Variants in EML3 observed in about 807,000 individuals in gnomAD.
EML3 encodes EMAP like 3, also known as echinoderm microtubule-associated protein-like 3.
In EML3, 53 loss-of-function variants were observed where a neutral mutation model predicts 106.7. The ratio of observed to expected loss-of-function variants is 0.50; its 90% CI spans 0.40 to 0.62. The LOEUF is 0.62. EML3 is among the 20% of genes least tolerant of loss of function. The pLI is 0.00. For synonymous variants in EML3, 499 were observed against 489.6 expected (o/e 1.02, Z -0.25); for missense variants, 994 against 1,209.1 (o/e 0.82, Z 2.64).
Position 62,603,195 on chromosome 11 carries a change from G to A in EML3, c.2310C>T (p.Asp770=). The change falls in exon 20 of 22, where the codon GAC becomes GAT. Residue 770 remains aspartate, a synonymous_variant. Coordinates refer to ENST00000394773, the MANE Select transcript of EML3 (RefSeq NM_153265.3). ...KQLKNRYESR[D]REWATYTCVL... is the part of the protein sequence containing the mutation. Reference sequence around the variant, plus strand: ...CACAGGTGTAGGTAGCCCATTCCCGGTCTCGGCTCTCATAGCGATTCTTCA... The same window carrying A: ...CACAGGTGTAGGTAGCCCATTCCCGATCTCGGCTCTCATAGCGATTCTTCA... The A allele has an allele frequency of 6.2e-7, 1 of 1,614,004 alleles. No individual in the cohort carries two copies. Among genetic ancestry groups the A allele is most frequent in the South Asian group, 1.1e-5 (1 of 91,084 alleles).
intron 12 of EML3, 200 bp from the exon 13 acceptor site, chr11:62,606,414 A>C: frequency 1.5e-6 from 1 of 688,646 alleles, no homozygotes; most frequent in South Asian, 2.0e-5. Context: ...AAATGAGGTA[A>C]CTTCCTAAAG....
Position 62,611,127 on chromosome 11 carries a change from C to A in EML3, c.412G>T (p.Gly138Trp). 6.3e-7 allele frequency: 1 copy of A among 1,597,984 alleles called. No individual in the cohort carries two copies. The highest frequency in any genetic ancestry group is 2.2e-5 in the East Asian group (1 of 44,672). ...GGGGGCTGCAAGGGCCTGAGGATCCCCGGGGGGCCAGGGGAGCCAGCACCA... is the reference window on the plus strand; with the variant it reads ...GGGGGCTGCAAGGGCCTGAGGATCCACGGGGGGCCAGGGGAGCCAGCACCA... The part of the protein sequence containing the change: ...SSGAGSPGPP[G>W]ILRPLQPPQR... Residue 138 changes from glycine (G) to tryptophan (W), a missense_variant, in exon 3 of 22, where the codon GGG (glycine) becomes TGG (tryptophan). Gly to Trp is a radical substitution (Grantham distance 184, BLOSUM62 -2). This residue lies in a region of EML3 where 269 missense variants were observed against 265.1 expected (regional missense o/e 1.01). Transcript: ENST00000394773.
At chr11:62,603,673 T>C (rs1246140680) in intron 19 of EML3, 56 bp downstream of exon 19, 15 of 1,490,700 alleles carry the variant, frequency 1.0e-5, no homozygotes, top group Non-Finnish European at 1.3e-5. Flanking sequence ...CAGCCCCCCC[T>C]ACACAAAACC....
Position 62,605,633 on chromosome 11 carries a change from G to T in EML3, c.1914+9C>A. 6.6e-7 allele frequency: 1 copy of T among 1,524,986 alleles called. No homozygotes were observed. 94.5% of individuals were successfully genotyped at this position (1,524,986 alleles called of 1,614,324 possible). Reference sequence around the variant, plus strand: ...GTGGCATGGGGGATCCAGGGGCACAGGGCTCTACCTTGAGGTCGATGCTCC... The same window carrying T: ...GTGGCATGGGGGATCCAGGGGCACATGGCTCTACCTTGAGGTCGATGCTCC... On this transcript the variant is annotated intron_variant, in intron 15 of 21. Transcript: ENST00000394773. The surrounding 1 kb of genome is among the most constrained non-coding windows in gnomAD (Gnocchi z 5.2).
At position 62,602,907 on chromosome 11, in the gene EML3, C is replaced by A. The variant is rs1208699175; in HGVS notation, c.2357-18G>T. The A allele has an allele frequency of 5.9e-6, 9 of 1,528,036 alleles. No homozygotes were observed. The highest frequency in any genetic ancestry group is 7.9e-6 in the Non-Finnish European group (9 of 1,137,516). 94.7% of individuals were successfully genotyped at this position (1,528,036 alleles called of 1,614,324 possible). A position where few individuals can be genotyped will look rare whatever the true frequency, so the allele number is the denominator to read the frequency against. On this transcript the variant is annotated intron_variant, in intron 20 of 21. Coordinates refer to ENST00000394773, the MANE Select transcript of EML3 (RefSeq NM_153265.3). ...CCAGACGCCTAGCACAGCGGCCGGC[C>A]TCAGCCCGACCTCCTACCCACCGCC...
Position 62,608,253 on chromosome 11 carries a change from T to C in EML3, c.1154A>G (p.His385Arg), listed in dbSNP as rs932773322. The change falls in exon 10 of 22, where the codon CAC becomes CGC. Residue 385 changes from histidine (H) to arginine (R), a missense_variant. Physicochemically the swap from His to Arg is conservative, Grantham distance 29 (BLOSUM62 0). Transcript: ENST00000394773. Reference sequence around the variant, plus strand: ...GCTGCAGTCCCACACCGACAGCATGTGCTCATTGGAATCATCCACCACACA... The same window carrying C: ...GCTGCAGTCCCACACCGACAGCATGCGCTCATTGGAATCATCCACCACACA... Reference protein sequence around the residue: ...FLCVVDDSNEHMLSVWDCSRG... With the variant: ...FLCVVDDSNERMLSVWDCSRG... 5.6e-6 allele frequency: 9 copies of C among 1,613,912 alleles called. No homozygotes were observed. The South Asian group carries it at 8.8e-5, about 16-fold the overall frequency.
chr11:62,602,579 T>C lies in EML3; in HGVS notation c.2587A>G (p.Ser863Gly). ...HLVSLGGKDA[S>G]IFQWRVLGAG... The stretch of plus-strand genomic sequence containing the variant: ...CCCAGCACTCGCCACTGGAAGATGC[T>C]GGCGTCCTTGCCGCCCAGCGAGACG... The change falls in exon 22 of 22, where the codon AGC (serine) becomes GGC (glycine). Residue 863 changes from serine (S) to glycine (G), a missense_variant. Around this residue, in one of 3 missense-constraint regions of EML3, gnomAD observed 713 missense variants for 920.5 expected, o/e 0.77. Transcript: ENST00000394773. The C allele has an allele frequency of 1.3e-6, 2 of 1,537,882 alleles. No individual in the cohort carries two copies. The highest frequency in any genetic ancestry group is 1.8e-6 in the Non-Finnish European group (2 of 1,142,824).
chr11:62,604,885 T>A (rs574812571), intron 16 of EML3: 421 of 396,688 alleles, frequency 1.1e-3, no homozygotes, highest in Admixed American at 2.6e-3. Context: ...TGCTGCCTCC[T>A]CCACTCCCAG....
intron 12 of EML3, 84 bp downstream of exon 12, chr11:62,606,874 A>AC: frequency 1.4e-6 from 2 of 1,395,240 alleles, no homozygotes; most frequent in Non-Finnish European, 1.9e-6. Flanking sequence ...AAAAAAAAAA[A>AC]GATGGGAATG....
Position 62,605,278 on chromosome 11 carries a change from A to G in EML3, c.1915-98T>C. On this transcript the variant is annotated intron_variant, in intron 15 of 21. Transcript: ENST00000394773. This position sits in a 1 kb window ranked among gnomAD's most constrained non-coding sequence, Gnocchi z 5.2. ...CCTAACTTCAAAGCCACTTACTCCC[A>G]AGGAGAAGATGGGAAGAGAGGGAAG... 1 of 1,262,712 alleles carries G rather than the reference A, an allele frequency of 7.9e-7. No homozygotes were observed. Among genetic ancestry groups the G allele is most frequent in the Non-Finnish European group, 1.1e-6 (1 of 908,816 alleles). 78.2% of individuals were successfully genotyped at this position (1,262,712 alleles called of 1,614,324 possible).
Position 62,603,762 on chromosome 11 carries a change from T to C in EML3, c.2224A>G (p.Met742Val). The change falls in exon 19 of 22, where the codon ATG (methionine) becomes GTG (valine). Residue 742 changes from methionine (M) to valine (V), a missense_variant. Around this residue, in one of 3 missense-constraint regions of EML3, gnomAD observed 713 missense variants for 920.5 expected, o/e 0.77. Coordinates refer to ENST00000394773, the MANE Select transcript of EML3 (RefSeq NM_153265.3). The part of the protein sequence containing the change: ...LDWSKDGNFI[M>V]SNSGDYEILY... ...ATCTCATAGTCCCCAGAATTGGACA[T>C]GATGAAATTCCCATCCTTGGACCAG... 1.2e-6 allele frequency: 2 copies of C among 1,614,114 alleles called. No homozygotes were observed. Among genetic ancestry groups the C allele is most frequent in the Non-Finnish European group, 1.7e-6 (2 of 1,180,022 alleles).
rs1942462587 is a variant in EML3, at chr11:62,605,518, T to C, written c.1914+124A>G. ...GAAAAATTAATATTTGAGTAGCCAG[T>C]GCAGCCATACCAGTACAAACTGGCC... On this transcript the variant is annotated intron_variant, in intron 15 of 21. Transcript: ENST00000394773. The surrounding 1 kb of genome is among the most constrained non-coding windows in gnomAD (Gnocchi z 5.2). The C allele has an allele frequency of 3.1e-6, 4 of 1,293,708 alleles. No individual in the cohort carries two copies. In the South Asian group the frequency reaches 4.6e-5, roughly 15 times the overall value. The allele number at this position is 1,293,708 out of a possible 1,614,324, so 80.1% of individuals were successfully genotyped here.
chr11:62,603,648 TAAC>T (rs1159440427), intron 19 of EML3, 78 bp downstream of exon 19: 1 of 1,226,688 alleles, frequency 8.2e-7, no homozygotes, highest in East Asian at 2.3e-5. Flanking sequence ...CTTCCTTATC[TAAC>T]AACACCTCTA....
rs200929410 is a variant in EML3 at position 62,603,861 on chromosome 11, C to G, written c.2170-45G>C. 27 of 1,612,410 alleles carry G rather than the reference C, an allele frequency of 1.7e-5. No individual in the cohort carries two copies. The East Asian group carries it at 2.5e-4, about 15-fold the overall frequency. On this transcript the variant is annotated intron_variant, in intron 18 of 21. Transcript: ENST00000394773. ...GTTTTAAAGTATCCCATCCATTTCC[C>G]ATCCCCAGAGCCCCCTTGATGCATC...
rs1338193946 is a variant in EML3, at chr11:62,602,307, C to T, written c.*168G>A. On this transcript the variant is annotated 3_prime_UTR_variant, in exon 22 of 22. Coordinates refer to ENST00000394773, the MANE Select transcript of EML3 (RefSeq NM_153265.3). Reference sequence around the variant, plus strand: ...GCCCGGCTCAGCCAGCGGGTCTAAACAGTGTGTGCAGGGGCGCCGTTCGCG... The same window carrying T: ...GCCCGGCTCAGCCAGCGGGTCTAAATAGTGTGTGCAGGGGCGCCGTTCGCG... The T allele has an allele frequency of 6.4e-7, 1 of 1,550,804 alleles. No individual in the cohort carries two copies. The highest frequency in any genetic ancestry group is 8.7e-7 in the Non-Finnish European group (1 of 1,146,856).
chr11:62,609,039 G>A lies in EML3; in HGVS notation c.852C>T (p.Tyr284=), dbSNP rs1942677574. The A allele has an allele frequency of 2.5e-6, 4 of 1,613,846 alleles. No individual in the cohort carries two copies. The African/African-American group carries it at 4.0e-5, about 16-fold the overall frequency. Reference sequence around the variant, plus strand: ...GACCCCCTGGGCCTCCTCCAGGCCGGTACAGCACCACCACACAGGCGATAA... The same window carrying A: ...GACCCCCTGGGCCTCCTCCAGGCCGATACAGCACCACCACACAGGCGATAA... The part of the protein sequence containing the change: ...VYFIACVVVL[Y]RPGGGPGGPG... The change falls in exon 7 of 22, where the codon TAC becomes TAT. Residue 284 remains tyrosine (Y), a synonymous_variant. Coordinates refer to ENST00000394773, the MANE Select transcript of EML3 (RefSeq NM_153265.3).
rs754353975 is a variant in EML3, at chr11:62,608,959, C to T, written c.929+3G>A. 7 of 1,613,530 alleles carry T rather than the reference C, an allele frequency of 4.3e-6. No individual in the cohort carries two copies. In the South Asian group the frequency reaches 7.7e-5, roughly 18 times the overall value. On this transcript the variant is annotated splice_donor_region_variant and intron_variant, in intron 7 of 21. Transcript: ENST00000394773. Reference sequence around the variant, plus strand: ...CCAAGCCCACCAGCCCCGGACTCCTCACCATCGAACGCAGTCTGTGTGCCC... The same window carrying T: ...CCAAGCCCACCAGCCCCGGACTCCTTACCATCGAACGCAGTCTGTGTGCCC...
intron 12 of EML3, 100 bp downstream of exon 12, chr11:62,606,858 A>AAG (rs1194527689): frequency 2.8e-6 from 2 of 701,980 alleles, no homozygotes; most frequent in Non-Finnish European, 3.7e-6. Flanking sequence ...CCTCATCTCA[A>AAG]AAAAAAAAAA....
chr11:62,605,501 A>T lies in EML3; in HGVS notation c.1914+141T>A. 1.7e-6 allele frequency: 2 copies of T among 1,206,030 alleles called. No homozygotes were observed. Among genetic ancestry groups the T allele is most frequent in the Non-Finnish European group, 2.3e-6 (2 of 879,224 alleles). 74.7% of individuals were successfully genotyped at this position (1,206,030 alleles called of 1,614,324 possible). On this transcript the variant is annotated intron_variant, in intron 15 of 21. Coordinates refer to ENST00000394773, the MANE Select transcript of EML3 (RefSeq NM_153265.3). The surrounding 1 kb of genome is among the most constrained non-coding windows in gnomAD (Gnocchi z 5.2). Reference sequence around the variant, plus strand: ...TTTTACCAGTCAGTACAGAAAAATTAATATTTGAGTAGCCAGTGCAGCCAT... The same window carrying T: ...TTTTACCAGTCAGTACAGAAAAATTTATATTTGAGTAGCCAGTGCAGCCAT...
Sources: gnomAD v4.1 joint callset for allele counts on GRCh38, gnomAD v4.1.1 for gene constraint, gnomAD v4.1.1 regional missense constraint, Gnocchi (gnomAD v3.1) non-coding constraint, MANE v1.5 for transcripts, NCBI Gene and HGNC (gene_info 2026-07-23, HGNC 2026-07-21) for gene names.